Variants in RARB observed in about 807,000 individuals in gnomAD.
The protein encoded by RARB is HBV-activated protein.
Under a neutral mutation model 51.9 loss-of-function variants are expected in RARB, and 17 were observed. The observed-to-expected ratio is 0.33, with a 90% CI of 0.22 to 0.49. RARB has a LOEUF of 0.49. Among genes scored for constraint, RARB ranks in the 20% least tolerant of loss-of-function variants. The pLI is 0.99. For missense variants in RARB, 369 were observed against 550.8 expected (o/e 0.67, Z 3.30); for synonymous variants, 215 against 195.4 (o/e 1.10, Z -0.84).
rs1279288430 is a variant in RARB, at chr3:25,367,649, CTAT to C, written c.179-93543_179-93541del. On this transcript the variant is annotated intron_variant, in intron 5 of 11. Coordinates refer to the RARB transcript ENST00000383772. ...TAAGCAACATGGTAAAAACCCATCTCTATAAAAAAAAAAAAAAAATACCAAAAT... is the reference window on the plus strand; with the variant it reads ...TAAGCAACATGGTAAAAACCCATCTCAAAAAAAAAAAAAAAATACCAAAAT... Among the ~76,000 whole-genome samples, 5 of 71,380 alleles carry C rather than the reference CTAT, an allele frequency of 7.0e-5. No individual in the cohort carries two copies. The East Asian group carries it at 3.9e-3, about 56-fold the overall frequency. 46.8% of individuals were successfully genotyped at this position (71,380 alleles called of 152,430 possible).
At chr3:25,321,744 T>C (rs1366212559) in intron 5 of RARB, among the ~76,000 whole-genome samples, 1 of 151,206 alleles carries the variant, frequency 6.6e-6, no homozygotes, top group Admixed American at 6.6e-5. Context: ...AAAATTGTGC[T>C]GTCAGCCATT....
chr3:25,334,300 C>T (rs9837763), intron 5 of RARB, among the ~76,000 whole-genome samples: 29,849 of 151,842 alleles, frequency 0.2, 3,131 homozygotes, highest in African/African-American at 0.27. Flanking sequence ...AATGATAGAC[C>T]GGATTAAGAA....
At chr3:24,898,856 TAGGA>T (rs2091666199) in intron 2 of RARB, among the ~76,000 whole-genome samples, 1 of 152,126 alleles carries the variant, frequency 6.6e-6, no homozygotes, top group Non-Finnish European at 1.5e-5. Flanking sequence ...ACATTCAAGG[TAGGA>T]AGGGTGGAGA....
chr3:25,313,359 T>G (rs909351864), intron 5 of RARB, among the ~76,000 whole-genome samples: 1 of 152,232 alleles, frequency 6.6e-6, no homozygotes, highest in African/African-American at 2.4e-5. Context: ...CCCTGGCAGA[T>G]GCATCAGTGG....
At chr3:25,192,636 C>G (rs1178592798) in intron 5 of RARB, among the ~76,000 whole-genome samples, 1 of 152,004 alleles carries the variant, frequency 6.6e-6, no homozygotes, top group Non-Finnish European at 1.5e-5. Flanking sequence ...TTTTGGTTTG[C>G]CATAATTAGG....
At chr3:24,970,056 T>A (rs1696360305) in intron 2 of RARB, among the ~76,000 whole-genome samples, 1 of 152,050 alleles carries the variant, frequency 6.6e-6, no homozygotes, top group Non-Finnish European at 1.5e-5. Context: ...TTTTAGGCTG[T>A]GTGGGCTATA....
At chr3:24,905,453 G>T (rs546185081) in intron 2 of RARB, among the ~76,000 whole-genome samples, 1 of 152,218 alleles carries the variant, frequency 6.6e-6, no homozygotes, top group South Asian at 2.1e-4. Context: ...CACTAACACT[G>T]GTGATGGTAC....
chr3:24,858,996 C>T (rs1380687830), intron 2 of RARB, among the ~76,000 whole-genome samples: 1 of 136,456 alleles, frequency 7.3e-6, no homozygotes, highest in African/African-American at 2.8e-5. Flanking sequence ...GAGATCCTGC[C>T]ACTGCACTTC....
At position 25,243,880 on chromosome 3, in the gene RARB, G is replaced by A. The variant is rs553808990; in HGVS notation, c.178+69305G>A. Among the ~76,000 whole-genome samples the A allele has an allele frequency of 2.4e-3, 363 of 152,260 alleles. 1 individual carries two copies. The highest frequency in any genetic ancestry group is 7.9e-3 in the African/African-American group (329 of 41,548). Reference sequence around the variant, plus strand: ...CTATTGTTTGAAATAGTTTTAAAAGGAATGGTACCAGCTCCTCTTTGTACC... The same window carrying A: ...CTATTGTTTGAAATAGTTTTAAAAGAAATGGTACCAGCTCCTCTTTGTACC... On this transcript the variant is annotated intron_variant, in intron 5 of 11. Coordinates refer to the RARB transcript ENST00000383772.
chr3:25,247,586 C>G (rs1336826557), intron 5 of RARB, among the ~76,000 whole-genome samples: 2 of 152,184 alleles, frequency 1.3e-5, no homozygotes, highest in African/African-American at 4.8e-5. Flanking sequence ...AGTTCCCTCA[C>G]CCCTTGAACT....
At chr3:25,329,055 C>G (rs978573955) in intron 5 of RARB, among the ~76,000 whole-genome samples, 22 of 152,308 alleles carry the variant, frequency 1.4e-4, no homozygotes, top group African/African-American at 5.1e-4. Context: ...CCCACTGCAG[C>G]TCAAGGAGGC....
At chr3:25,098,055 A>G (rs1457135289) in intron 3 of RARB, among the ~76,000 whole-genome samples, 1 of 152,212 alleles carries the variant, frequency 6.6e-6, no homozygotes, top group African/African-American at 2.4e-5. Context: ...TTACTGAAAT[A>G]TAATGTACAT....
In RARB at chr3:24,930,542, C is replaced by G. The variant is rs370691979; in HGVS notation, c.-380+71790C>G. Among the ~76,000 whole-genome samples, 113 of 152,206 alleles carry G rather than the reference C, an allele frequency of 7.4e-4. No homozygotes were observed. In the South Asian group the frequency reaches 0.023, roughly 30 times the overall value. On this transcript the variant is annotated intron_variant, in intron 2 of 11. Coordinates refer to the RARB transcript ENST00000383772. ...AGCAGGTGCTTCCTTACCTCTCCTTCAACGTTTTATCCCCAATGCCTGGCA... is the reference window on the plus strand; with the variant it reads ...AGCAGGTGCTTCCTTACCTCTCCTTGAACGTTTTATCCCCAATGCCTGGCA...
intron 5 of RARB, among the ~76,000 whole-genome samples, chr3:25,383,728 G>T (rs906374139): frequency 6.6e-6 from 1 of 152,042 alleles, no homozygotes; most frequent in Non-Finnish European, 1.5e-5. Flanking sequence ...AGGAGTTCAC[G>T]ACCAGTCTGG....
rs540181213 is a variant in RARB, at chr3:25,594,266, T to C, written c.992-254T>C. Among the ~76,000 whole-genome samples the C allele has an allele frequency of 1.3e-5, 2 of 152,270 alleles. 1 individual carries two copies. The highest frequency in any genetic ancestry group is 4.1e-4 in the South Asian group (2 of 4,820). ...TTAATTCAGTTTGGTAGTGACACCT[T>C]CTGGTCAAAGGAGGTAATTCTTTCC... On this transcript the variant is annotated intron_variant, in intron 6 of 7. Coordinates refer to ENST00000330688, the MANE Select transcript of RARB (RefSeq NM_000965.5).
At chr3:25,365,776 G>A (rs1706100140) in intron 5 of RARB, among the ~76,000 whole-genome samples, 2 of 152,172 alleles carry the variant, frequency 1.3e-5, no homozygotes, top group African/African-American at 4.8e-5. Flanking sequence ...CAACCATGGA[G>A]ACCTCAGGGT....
At chr3:24,894,264 C>T (rs190786564) in intron 2 of RARB, among the ~76,000 whole-genome samples, 22 of 142,966 alleles carry the variant, frequency 1.5e-4, no homozygotes, top group Admixed American at 3.5e-4. Context: ...CACACTGTGC[C>T]GCCCCCGCCC....
chr3:25,505,208 A>G (rs1310532243), intron 3 of RARB, among the ~76,000 whole-genome samples: 1 of 152,228 alleles, frequency 6.6e-6, no homozygotes, highest in Non-Finnish European at 1.5e-5. Context: ...ACACAGAGAC[A>G]TTAATTTACT....
chr3:25,314,932 A>C (rs1245440712), intron 5 of RARB, among the ~76,000 whole-genome samples: 2 of 152,314 alleles, frequency 1.3e-5, no homozygotes, highest in Admixed American at 1.3e-4. Context: ...ACTTATGAGA[A>C]CATGGATGTA....
Sources: gnomAD v4.1 joint callset for allele counts (sites outside exome capture counted in the v4.1 genomes callset) on GRCh38, gnomAD v4.1.1 for gene constraint, MANE v1.5 for transcripts, NCBI Gene and HGNC (gene_info 2026-07-23, HGNC 2026-07-21) for gene names.